Variants in OR2L13 observed in about 807,000 individuals in gnomAD.
OR2L13 encodes the protein olfactory receptor 2L13.
A neutral mutation model predicts 15.3 loss-of-function variants in OR2L13; 14 were observed. The observed-to-expected ratio is 0.91, with a 90% confidence interval of 0.60 to 1.43. OR2L13 has a LOEUF of 1.43. Ranked by LOEUF, OR2L13 falls within the 40% of genes most tolerant of loss-of-function variation. The pLI is 0.00. For synonymous variants in OR2L13, 152 were observed against 142.9 expected (o/e 1.06, Z -0.45); for missense variants, 367 against 387.9 (o/e 0.95, Z 0.45).
At chr1:248,059,335 C>T in the OR2L13 span, among the ~76,000 whole-genome samples, 1 of 152,132 alleles carries the variant, frequency 6.6e-6, no homozygotes, top group South Asian at 2.1e-4. Context: ...CGCACCTCTA[C>T]CCGGAAGTTT....
the OR2L13 span, among the ~76,000 whole-genome samples, chr1:247,986,612 T>C: frequency 1.3e-5 from 2 of 152,226 alleles, no homozygotes; most frequent in Non-Finnish European, 2.9e-5. Flanking sequence ...TTTGGTTCCA[T>C]ATGAACTTTA....
chr1:247,955,898 G>C, the OR2L13 span, among the ~76,000 whole-genome samples: 1 of 151,588 alleles, frequency 6.6e-6, no homozygotes, highest in African/African-American at 2.4e-5. Context: ...TAGGTTGCCT[G>C]TTCACTCTGA....
the OR2L13 span, chr1:247,949,783 C>G: frequency 1.9e-6 from 3 of 1,610,728 alleles, no homozygotes; most frequent in Non-Finnish European, 2.5e-6. Context: ...AGAATCTGCT[C>G]TGTGAAAATG....
the OR2L13 span, among the ~76,000 whole-genome samples, chr1:247,938,186 C>T: frequency 2.0e-5 from 3 of 152,086 alleles, no homozygotes; most frequent in East Asian, 1.9e-4. Context: ...AGTCCTGTAA[C>T]AGTCTCCTAT....
At chr1:248,062,223 C>T in the OR2L13 span, 1 of 151,990 alleles carries the variant, frequency 6.6e-6, no homozygotes, top group Non-Finnish European at 1.5e-5. Flanking sequence ...GGAATGAATC[C>T]CAGGAAATGA....
the OR2L13 span, chr1:247,948,760 C>A: frequency 1.0e-6 from 1 of 970,164 alleles, no homozygotes; most frequent in Non-Finnish European, 1.6e-6. Context: ...CAAACATCCA[C>A]TGGGGGGGCT....
At chr1:247,955,204 T>G in the OR2L13 span, among the ~76,000 whole-genome samples, 3 of 151,960 alleles carry the variant, frequency 2.0e-5, no homozygotes, top group African/African-American at 7.2e-5. Context: ...CAGTGTTTGG[T>G]TTTTTGTCCT....
intron 1 of OR2L13, among the ~76,000 whole-genome samples, chr1:248,098,257 G>A (rs1664777117): frequency 6.6e-6 from 1 of 152,084 alleles, no homozygotes; most frequent in African/African-American, 2.4e-5. Flanking sequence ...AAAATCCTTT[G>A]TGTTTCATCA....
chr1:248,008,561 G>A, the OR2L13 span, among the ~76,000 whole-genome samples: 1 of 152,002 alleles, frequency 6.6e-6, no homozygotes, highest in Non-Finnish European at 1.5e-5. Context: ...CTTACAAAGA[G>A]GCTTAGACTC....
the OR2L13 span, among the ~76,000 whole-genome samples, chr1:248,047,588 G>T: frequency 6.6e-6 from 1 of 152,270 alleles, no homozygotes; most frequent in South Asian, 2.1e-4. Context: ...GATCCAAATT[G>T]TAGTGTTTTG....
the OR2L13 span, among the ~76,000 whole-genome samples, chr1:248,042,899 A>G: frequency 6.6e-6 from 1 of 152,220 alleles, no homozygotes; most frequent in African/African-American, 2.4e-5. Flanking sequence ...AAAAACAACA[A>G]AAATAAATTC....
At chr1:247,948,926 C>T in the OR2L13 span, 4 of 1,613,536 alleles carry the variant, frequency 2.5e-6, no homozygotes, top group Non-Finnish European at 3.4e-6. Flanking sequence ...CAAGAATTGA[C>T]CTTTTCTTCT....
chr1:248,072,255 G>A, the OR2L13 span, among the ~76,000 whole-genome samples: 1 of 152,196 alleles, frequency 6.6e-6, no homozygotes, highest in African/African-American at 2.4e-5. Flanking sequence ...AACCAAAACA[G>A]CATGGTACTG....
the OR2L13 span, among the ~76,000 whole-genome samples, chr1:247,959,903 C>T: frequency 6.7e-6 from 1 of 149,772 alleles, no homozygotes; most frequent in Non-Finnish European, 1.5e-5. Flanking sequence ...TCCTTTAGCT[C>T]AGAGTAGTTT....
the OR2L13 span, chr1:247,966,443 T>C: frequency 8.5e-7 from 1 of 1,169,838 alleles, no homozygotes; most frequent in East Asian, 2.5e-5. Flanking sequence ...ATCAATCTTG[T>C]TTAACTTGTA....
At chr1:248,006,401 C>T in the OR2L13 span, among the ~76,000 whole-genome samples, 8 of 151,986 alleles carry the variant, frequency 5.3e-5, no homozygotes, top group Admixed American at 5.3e-4. Context: ...TCTCCAGTTC[C>T]TCTGTCACAA....
chr1:248,082,890 C>T, the OR2L13 span, among the ~76,000 whole-genome samples: 1 of 152,186 alleles, frequency 6.6e-6, no homozygotes, highest in Admixed American at 6.5e-5. Context: ...GATCTATGTC[C>T]ATAAGTCAAG....
At chr1:247,959,072 G>T in the OR2L13 span, among the ~76,000 whole-genome samples, 1 of 152,282 alleles carries the variant, frequency 6.6e-6, no homozygotes, top group South Asian at 2.1e-4. Flanking sequence ...ATTTTGCAGT[G>T]GCTGGTACCG....
chr1:248,091,355 G>T (rs974233120), upstream of OR2L13, among the ~76,000 whole-genome samples: 2 of 151,932 alleles, frequency 1.3e-5, no homozygotes, highest in Non-Finnish European at 2.9e-5. Context: ...TAAAATCTTT[G>T]CCAGGTCCTA....
Sources: gnomAD v4.1 joint callset for allele counts (sites outside exome capture counted in the v4.1 genomes callset) on GRCh38, gnomAD v4.1.1 for gene constraint, MANE v1.5 for transcripts, NCBI Gene and HGNC (gene_info 2026-07-23, HGNC 2026-07-21) for gene names.